Variants in BBS9 observed in about 807,000 individuals in gnomAD.
The protein encoded by BBS9 is protein PTHB1.
BBS9 carries 89 observed loss-of-function variants against 117.7 expected under a neutral mutation model. That is an observed-to-expected ratio of 0.76 (90% CI 0.64 to 0.90). The LOEUF (loss-of-function observed/expected upper bound fraction) is 0.90, where lower values mean the gene tolerates loss of function less well. Among genes scored for constraint, BBS9 ranks in the 40% least tolerant of loss-of-function variants. BBS9 has a pLI of 0.00. For missense variants in BBS9, 982 were observed against 1,042.2 expected (o/e 0.94, Z 0.80); for synonymous variants, 379 against 370.9 (o/e 1.02, Z -0.25).
intron 9 of BBS9, among the ~76,000 whole-genome samples, chr7:33,332,388 A>T (rs1814271790): frequency 6.6e-6 from 1 of 152,216 alleles, no homozygotes; most frequent in Non-Finnish European, 1.5e-5. Flanking sequence ...AAAAACAATT[A>T]AAAACAAGAG....
chr7:33,536,702 C>CCCGCCCCCCGCCTTCCCCCCG (rs1851475536), intron 21 of BBS9, among the ~76,000 whole-genome samples: 1 of 137,416 alleles, frequency 7.3e-6, no homozygotes, highest in Non-Finnish European at 1.6e-5. Flanking sequence ...CCCGCCTCCC[C>CCCGCCCCCCGCCTTCCCCCCG]CCACCCCACT....
chr7:33,263,016 A>G (rs746607607), intron 6 of BBS9, among the ~76,000 whole-genome samples: 5 of 152,230 alleles, frequency 3.3e-5, no homozygotes, highest in African/African-American at 4.8e-5. Context: ...TAGATTATGT[A>G]GTAGTTTTTC....
At chr7:33,236,551 A>C (rs1793549385) in intron 5 of BBS9, among the ~76,000 whole-genome samples, 2 of 151,970 alleles carry the variant, frequency 1.3e-5, no homozygotes, top group South Asian at 4.1e-4. Context: ...GGCAATATAT[A>C]TAAATCTACC....
chr7:33,624,499 C>G (rs1865550552), intron 21 of BBS9, among the ~76,000 whole-genome samples: 1 of 152,192 alleles, frequency 6.6e-6, no homozygotes, highest in African/African-American at 2.4e-5. Flanking sequence ...TATTTCTCCT[C>G]TTTTACTTTC....
At position 33,373,298 on chromosome 7, in the gene BBS9, A is replaced by T. The variant is rs143322447; in HGVS notation, c.1789+5436A>T. 3.4e-3 allele frequency among the ~76,000 whole-genome samples: 523 copies of T among 152,300 alleles called. 6 individuals are homozygous for T. Among genetic ancestry groups the T allele is most frequent in the African/African-American group, 0.011 (477 of 41,578 alleles). On this transcript the variant is annotated intron_variant, in intron 17 of 22. Coordinates refer to ENST00000242067, the MANE Select transcript of BBS9 (RefSeq NM_198428.3). ...AGCTTTTCATCAAAATAATTCGATG[A>T]TAGAAGACAACGCAGAAGTTTTCTC...
At chr7:33,183,451 C>A (rs1798367456) in intron 5 of BBS9, among the ~76,000 whole-genome samples, 1 of 152,168 alleles carries the variant, frequency 6.6e-6, no homozygotes, top group Admixed American at 6.5e-5. Context: ...TGACTTTTAA[C>A]CATAGTGCTC....
chr7:33,174,545 C>A (rs1216745969), intron 4 of BBS9, among the ~76,000 whole-genome samples: 1 of 152,154 alleles, frequency 6.6e-6, no homozygotes, highest in Non-Finnish European at 1.5e-5. Context: ...GGATTGTTTA[C>A]AACTCAGCAT....
intron 21 of BBS9, among the ~76,000 whole-genome samples, chr7:33,566,581 G>A (rs1179031870): frequency 6.6e-6 from 1 of 151,978 alleles, no homozygotes; most frequent in African/African-American, 2.4e-5. Flanking sequence ...GATTTGAAAG[G>A]TAGAGATAAA....
Position 33,152,732 on chromosome 7 carries a change from C to A in BBS9, c.144C>A (p.Tyr48Ter). ...DKIIVGSFMG[Y>*]LRIFSPHPAK... ...TAATTGTGGGTAGCTTTATGGGATA[C>A]CTAAGGATCTTTAGCCCCCATCCTG... is the stretch of plus-strand genomic sequence containing the variant. The change falls in exon 3 of 23, where the codon TAC becomes TAA. Residue 48 changes from tyrosine to a stop codon, truncating the protein, a stop_gained. Coordinates refer to ENST00000242067, the MANE Select transcript of BBS9 (RefSeq NM_198428.3). LOFTEE classifies it high-confidence loss of function. 1.9e-6 allele frequency: 3 copies of A among 1,612,766 alleles called. No individual in the cohort carries two copies. The highest frequency in any genetic ancestry group is 2.5e-6 in the Non-Finnish European group (3 of 1,179,686).
intron 5 of BBS9, among the ~76,000 whole-genome samples, chr7:33,217,190 A>T (rs1789243734): frequency 6.6e-6 from 1 of 151,794 alleles, no homozygotes; most frequent in African/African-American, 2.4e-5. Flanking sequence ...ATTGAAATTT[A>T]TATTTTAAAA....
At chr7:33,330,225 G>A (rs1813740136) in intron 9 of BBS9, among the ~76,000 whole-genome samples, 1 of 152,002 alleles carries the variant, frequency 6.6e-6, no homozygotes, top group African/African-American at 2.4e-5. Context: ...GTGTTGCCCA[G>A]GCTGACCTCA....
chr7:33,574,276 A>G (rs752057227), intron 21 of BBS9, among the ~76,000 whole-genome samples: 3 of 152,028 alleles, frequency 2.0e-5, no homozygotes, highest in Non-Finnish European at 2.9e-5. Flanking sequence ...TTTTGCTCCA[A>G]TTTTTGCTGC....
At chr7:33,533,337 T>A (rs1850869776) in intron 20 of BBS9, among the ~76,000 whole-genome samples, 1 of 152,218 alleles carries the variant, frequency 6.6e-6, no homozygotes, top group South Asian at 2.1e-4. Flanking sequence ...GCCTACTTCC[T>A]GTGGGTCATT....
intron 7 of BBS9, among the ~76,000 whole-genome samples, chr7:33,272,203 T>A (rs1175170016): frequency 6.6e-6 from 1 of 152,098 alleles, no homozygotes; most frequent in African/African-American, 2.4e-5. Flanking sequence ...CACTTGAGGT[T>A]GAAAGGTGGG....
intron 21 of BBS9, among the ~76,000 whole-genome samples, chr7:33,619,045 T>A (rs1268356129): frequency 6.6e-6 from 1 of 151,940 alleles, no homozygotes; most frequent in South Asian, 2.1e-4. Context: ...GATTCTTCAA[T>A]CAAAAGACAG....
intron 5 of BBS9, among the ~76,000 whole-genome samples, chr7:33,241,144 A>G (rs1225924095): frequency 6.6e-6 from 1 of 152,158 alleles, no homozygotes; most frequent in African/African-American, 2.4e-5. Flanking sequence ...TTAGTGTGTT[A>G]GGAACCTAAT....
intron 21 of BBS9, among the ~76,000 whole-genome samples, chr7:33,573,532 T>C (rs1858203134): frequency 6.6e-6 from 1 of 152,168 alleles, no homozygotes; most frequent in African/African-American, 2.4e-5. Flanking sequence ...TTTATGGATA[T>C]ACCATAGTTT....
intron 20 of BBS9, among the ~76,000 whole-genome samples, chr7:33,524,711 C>A (rs957375623): frequency 1.3e-5 from 2 of 152,112 alleles, no homozygotes; most frequent in African/African-American, 4.8e-5. Context: ...CTCCTGGATT[C>A]ATTGATTTTT....
At chr7:33,222,020 AG>A (rs1790346071) in intron 5 of BBS9, among the ~76,000 whole-genome samples, 1 of 152,200 alleles carries the variant, frequency 6.6e-6, no homozygotes, top group African/African-American at 2.4e-5. Context: ...CAGTGAAATA[AG>A]GGGGTCTTTG....
Sources: allele counts gnomAD v4.1 joint callset (sites outside exome capture counted in the v4.1 genomes callset), GRCh38; gene constraint gnomAD v4.1.1; transcripts MANE v1.5; gene names NCBI Gene and HGNC (gene_info 2026-07-23, HGNC 2026-07-21).